Variants in MAIP1 observed in about 807,000 individuals in gnomAD.
MAIP1 encodes m-AAA protease-interacting protein 1, mitochondrial.
A neutral mutation model predicts 31.2 loss-of-function variants in MAIP1; 28 were observed. The observed-to-expected ratio is 0.90, with a 90% CI of 0.67 to 1.23. The LOEUF is 1.23. Ranked by LOEUF, MAIP1 falls within the 50% of genes most tolerant of loss-of-function variation. The pLI is 0.00. For synonymous variants in MAIP1, 142 were observed against 142.3 expected, an observed-to-expected ratio of 1.00 and a Z score of 0.02; for missense variants, 339 against 356.0, an observed-to-expected ratio of 0.95 and a Z score of 0.38.
Position 199,956,391 on chromosome 2 carries a change from T to G in MAIP1, c.450+143T>G, listed in dbSNP as rs534124023. ...CCCAGACATAGAGCCTTCCAGCCAT[T>G]GCTTGACTTAAAGTAAGCTTCTGGG... On this transcript the variant is annotated intron_variant, in intron 1 of 4. Transcript: ENST00000392290. The G allele has an allele frequency of 1.1e-5, 8 of 737,934 alleles. No homozygotes were observed. The African/African-American group carries it at 1.4e-4, about 13-fold the overall frequency. The allele number at this position is 737,934 out of a possible 1,614,324, so 45.7% of individuals were successfully genotyped here.
intron 4 of MAIP1, 94 bp downstream of exon 4, chr2:199,962,022 T>A: frequency 8.7e-7 from 1 of 1,149,582 alleles, no homozygotes. Context: ...AAGAAAAGAA[T>A]TGAAATTTGA....
At chr2:199,959,516 C>T (rs1411309427) in intron 2 of MAIP1, among the ~76,000 whole-genome samples, 177 bp downstream of exon 2, 1 of 152,112 alleles carries the variant, frequency 6.6e-6, no homozygotes, top group Non-Finnish European at 1.5e-5. Flanking sequence ...TAACTCCTGC[C>T]ACTTAAGGCA....
chr2:199,955,632 C>A lies in MAIP1; in HGVS notation c.-167C>A, dbSNP rs2292309. ...CGCGGGGCGGGTTGCCGAAGGGCCT[C>A]GGCCTGGGCTGCGTGCTGGAGAGCG... is the stretch of plus-strand genomic sequence containing the variant. On this transcript the variant is annotated 5_prime_UTR_variant, in exon 1 of 5. Coordinates refer to ENST00000392290, the MANE Select transcript of MAIP1 (RefSeq NM_001394955.1). The A allele has an allele frequency of 0.05, 58,222 of 1,160,498 alleles. 1,992 individuals carry two copies. The highest frequency in any genetic ancestry group is 0.15 in the East Asian group (5,794 of 38,918). The allele number at this position is 1,160,498 out of a possible 1,614,324, so 71.9% of individuals were successfully genotyped here. A position where few individuals can be genotyped will look rare whatever the true frequency, so the allele number is the denominator to read the frequency against.
At position 199,963,924 on chromosome 2, in the gene MAIP1, T is replaced by G; in HGVS notation, c.*113T>G. 1 of 597,806 alleles carries G rather than the reference T, an allele frequency of 1.7e-6. No individual in the cohort carries two copies. Among genetic ancestry groups the G allele is most frequent in the Non-Finnish European group, 3.0e-6 (1 of 337,852 alleles). 37.0% of individuals were successfully genotyped at this position (597,806 alleles called of 1,614,324 possible). On this transcript the variant is annotated 3_prime_UTR_variant, in exon 5 of 5. Coordinates refer to ENST00000392290, the MANE Select transcript of MAIP1 (RefSeq NM_001394955.1). ...AATCTAAGTCTGTGAATTACTTTTA[T>G]ATTATTTTGAAATACTCCTTGCAGT...
intron 2 of MAIP1, 114 bp from the exon 3 acceptor site, chr2:199,959,640 C>T (rs531596544): frequency 2.8e-5 from 24 of 845,478 alleles, no homozygotes; most frequent in Non-Finnish European, 3.7e-5. Flanking sequence ...TGAGTAAATA[C>T]GGTAGTAAAT....
chr2:199,961,606 T>C (rs1345431943), intron 3 of MAIP1, among the ~76,000 whole-genome samples, 175 bp from the exon 4 acceptor site: 3 of 152,160 alleles, frequency 2.0e-5, no homozygotes, highest in Non-Finnish European at 2.9e-5. Context: ...CCTAAGACAA[T>C]TTTCTAAAAA....
rs1467567350 is a variant in MAIP1, at chr2:199,963,777, T to C, written c.842T>C (p.Ile281Thr). 1.9e-6 allele frequency: 3 copies of C among 1,610,032 alleles called. No homozygotes were observed. The highest frequency in any genetic ancestry group is 4.5e-5 in the East Asian group (2 of 44,758). ...CAAGGAGTAAAGCCTGACTGGACCATTGCACGGATTGAACACTCAAAATTA... is the reference window on the plus strand; with the variant it reads ...CAAGGAGTAAAGCCTGACTGGACCACTGCACGGATTGAACACTCAAAATTA... ...FTQGVKPDWT[I>T]ARIEHSKLLE Residue 281 changes from isoleucine (I) to threonine (T), a missense_variant, in exon 5 of 5, where the codon ATT becomes ACT. Coordinates refer to ENST00000392290, the MANE Select transcript of MAIP1 (RefSeq NM_001394955.1).
Position 199,959,749 on chromosome 2 carries a change from C to T in MAIP1, c.523-5C>T. 6.2e-7 allele frequency: 1 copy of T among 1,602,972 alleles called. No homozygotes were observed. Among genetic ancestry groups the T allele is most frequent in the Non-Finnish European group, 8.5e-7 (1 of 1,176,356 alleles). On this transcript the variant is annotated splice_polypyrimidine_tract_variant and splice_region_variant and intron_variant, in intron 2 of 4. Coordinates refer to ENST00000392290, the MANE Select transcript of MAIP1 (RefSeq NM_001394955.1). Reference sequence around the variant, plus strand: ...GAACTAATGGCTTGCTTTTTTCAAACTTAGGTGCTACATGCATTGAAAGAA... The same window carrying T: ...GAACTAATGGCTTGCTTTTTTCAAATTTAGGTGCTACATGCATTGAAAGAA...
chr2:199,959,471 C>G, intron 2 of MAIP1, 132 bp downstream of exon 2: 1 of 647,876 alleles, frequency 1.5e-6, no homozygotes, highest in Non-Finnish European at 2.7e-6. Flanking sequence ...TGTATCTGTT[C>G]TTATGGGTAC....
chr2:199,956,034 C>CG lies in MAIP1; in HGVS notation c.239dup (p.Leu81ThrfsTer43). 6.2e-7 allele frequency: 1 copy of CG among 1,609,022 alleles called. No homozygotes were observed. On this transcript the variant is annotated frameshift_variant, in exon 1 of 5. Coordinates refer to ENST00000392290, the MANE Select transcript of MAIP1 (RefSeq NM_001394955.1). LOFTEE classifies it high-confidence loss of function. Reference sequence around the variant, plus strand: ...TCCCGGTGGCCAGTGCTCAGCAGCCCGGGACTCCCCGCAGCCTTCGCTTCT... The same window carrying CG: ...TCCCGGTGGCCAGTGCTCAGCAGCCCGGGGACTCCCCGCAGCCTTCGCTTCT...
chr2:199,962,646 T>G (rs961552015), intron 4 of MAIP1, among the ~76,000 whole-genome samples: 1 of 152,078 alleles, frequency 6.6e-6, no homozygotes, highest in Non-Finnish European at 1.5e-5. Context: ...AGGGGAGATA[T>G]GGTTGTGGTC....
intron 3 of MAIP1, among the ~76,000 whole-genome samples, chr2:199,961,424 AC>A (rs1358507134): frequency 1.3e-5 from 2 of 152,150 alleles, no homozygotes; most frequent in African/African-American, 4.8e-5. Flanking sequence ...ATACTGCGCC[AC>A]TGCACCCCAG....
Position 199,963,662 on chromosome 2 carries a change from C to T in MAIP1, c.798-71C>T. 3.3e-6 allele frequency: 3 copies of T among 900,264 alleles called. No individual in the cohort carries two copies. The South Asian group carries it at 4.9e-5, about 15-fold the overall frequency. The allele number at this position is 900,264 out of a possible 1,614,324, so 55.8% of individuals were successfully genotyped here. On this transcript the variant is annotated intron_variant, in intron 4 of 4. Coordinates refer to ENST00000392290, the MANE Select transcript of MAIP1 (RefSeq NM_001394955.1). The stretch of plus-strand genomic sequence containing the variant: ...AAAAATTCTTCTAAATATACACTTG[C>T]AAATTACATAGTTATCTAACACATA...
Position 199,955,675 on chromosome 2 carries a change from C to G in MAIP1, c.-124C>G. 8.6e-7 allele frequency: 1 copy of G among 1,156,084 alleles called. No individual in the cohort carries two copies. The highest frequency in any genetic ancestry group is 1.2e-6 in the Non-Finnish European group (1 of 835,648). The allele number at this position is 1,156,084 out of a possible 1,614,324, so 71.6% of individuals were successfully genotyped here. On this transcript the variant is annotated 5_prime_UTR_variant, in exon 1 of 5. Transcript: ENST00000392290. The stretch of plus-strand genomic sequence containing the variant: ...GGAGAGCGGGGACGGGGCCGACTCA[C>G]CAGAGGCTGCAGCAACAGGTCCACT...
chr2:199,962,679 C>G (rs1381837094), intron 4 of MAIP1, among the ~76,000 whole-genome samples: 1 of 152,072 alleles, frequency 6.6e-6, no homozygotes, highest in African/African-American at 2.4e-5. Flanking sequence ...TAAAATCTGC[C>G]ATAATTGGTA....
intron 3 of MAIP1, among the ~76,000 whole-genome samples, chr2:199,960,734 C>T (rs1559312789): frequency 6.6e-6 from 1 of 152,146 alleles, no homozygotes; most frequent in East Asian, 1.9e-4. Flanking sequence ...TTTTGGTATC[C>T]ACAGGGGGGT....
intron 3 of MAIP1, among the ~76,000 whole-genome samples, chr2:199,960,450 A>G (rs747604261): frequency 1.4e-4 from 22 of 152,336 alleles, no homozygotes; most frequent in South Asian, 4.1e-4. Context: ...TGATACATAC[A>G]AAGTTGGCCC....
intron 1 of MAIP1, among the ~76,000 whole-genome samples, chr2:199,957,060 C>T (rs927960612): frequency 2.8e-4 from 24 of 86,064 alleles, no homozygotes; most frequent in African/African-American, 1.1e-3. Flanking sequence ...TTTTTTTGGA[C>T]TCCTTTACAG....
In MAIP1 at chr2:199,956,081, AG is replaced by A; in HGVS notation, c.284del (p.Ser95ThrfsTer16). The A allele has an allele frequency of 4.3e-6, 7 of 1,614,008 alleles. No homozygotes were observed. Among genetic ancestry groups the A allele is most frequent in the Non-Finnish European group, 5.9e-6 (7 of 1,179,918 alleles). The part of the protein sequence containing the change: ...FASFPACPQR[S>X]YSTEEKPQQH... ...TTCTTTCCCTGCCTGCCCTCAGCGCAGCTACAGCACGGAGGAGAAGCCCCAG... is the reference window on the plus strand; with the variant it reads ...TTCTTTCCCTGCCTGCCCTCAGCGCACTACAGCACGGAGGAGAAGCCCCAG... On this transcript the variant is annotated frameshift_variant, in exon 1 of 5. Transcript: ENST00000392290. LOFTEE classifies it high-confidence loss of function.
Sources: allele counts gnomAD v4.1 joint callset (sites outside exome capture counted in the v4.1 genomes callset), GRCh38; gene constraint gnomAD v4.1.1; transcripts MANE v1.5; gene names NCBI Gene and HGNC (gene_info 2026-07-23, HGNC 2026-07-21).